The following SH3GL2 variants were observed in gnomAD, a reference collection of about 807,000 sequenced individuals.
SH3GL2 encodes SH3 domain containing GRB2 like 2, endophilin A1.
SH3GL2 carries 24 observed loss-of-function variants against 46.0 expected under a neutral mutation model. The ratio of observed to expected loss-of-function variants is 0.52; its 90% CI spans 0.38 to 0.73. SH3GL2 has a LOEUF of 0.73. Among genes scored for constraint, SH3GL2 ranks in the 30% least tolerant of loss-of-function variants. The pLI, the probability that SH3GL2 is intolerant of heterozygous loss-of-function variation, is 0.00. For synonymous variants in SH3GL2, 196 were observed against 147.1 expected, an observed-to-expected ratio of 1.33 and a Z score of -2.40; for missense variants, 413 against 424.2, an observed-to-expected ratio of 0.97 and a Z score of 0.23.
chr9:17,728,192 A>G (rs73426703), intron 1 of SH3GL2, among the ~76,000 whole-genome samples: 3,138 of 152,192 alleles, frequency 0.021, 82 homozygotes, highest in East Asian at 0.1. Context: ...TTCTTTAGGA[A>G]CCTGACTCTT....
At chr9:17,692,902 A>T (rs1340342814) in intron 1 of SH3GL2, among the ~76,000 whole-genome samples, 1 of 152,114 alleles carries the variant, frequency 6.6e-6, no homozygotes, top group Non-Finnish European at 1.5e-5. Context: ...AAGAAGCAAA[A>T]GTGGAAACCC....
chr9:17,596,859 A>G (rs1048606040), intron 1 of SH3GL2, among the ~76,000 whole-genome samples: 2 of 152,180 alleles, frequency 1.3e-5, no homozygotes, highest in African/African-American at 4.8e-5. Context: ...CAAAGAGGAC[A>G]CGTCTAGCAA....
At chr9:17,732,630 G>A (rs1044827063) in intron 1 of SH3GL2, among the ~76,000 whole-genome samples, 1 of 152,102 alleles carries the variant, frequency 6.6e-6, no homozygotes, top group Non-Finnish European at 1.5e-5. Context: ...GAGGGGTTTG[G>A]AAGTCTTCAT....
intron 3 of SH3GL2, among the ~76,000 whole-genome samples, chr9:17,766,942 TA>T (rs530861901): frequency 8.5e-4 from 130 of 152,098 alleles, no homozygotes; most frequent in Non-Finnish European, 1.5e-3. Flanking sequence ...CTGGATTTTT[TA>T]AAAAAAATTC....
chr9:17,596,051 G>T (rs16935781), intron 1 of SH3GL2, among the ~76,000 whole-genome samples: 10,269 of 152,138 alleles, frequency 0.067, 1,193 homozygotes, highest in African/African-American at 0.24. Context: ...CTCAGGATAA[G>T]TTGAAAACAA....
chr9:17,688,674 A>G (rs1820991197), intron 1 of SH3GL2, among the ~76,000 whole-genome samples: 1 of 152,056 alleles, frequency 6.6e-6, no homozygotes. Context: ...TCCAGAGAAC[A>G]TGCTGATGGG....
chr9:17,687,761 C>G (rs746570578), intron 1 of SH3GL2, among the ~76,000 whole-genome samples: 3 of 152,004 alleles, frequency 2.0e-5, no homozygotes, highest in African/African-American at 4.8e-5. Context: ...GATAATCATA[C>G]TTGTTAAACC....
intron 3 of SH3GL2, among the ~76,000 whole-genome samples, chr9:17,766,486 C>T (rs771981620): frequency 2.0e-5 from 3 of 152,214 alleles, no homozygotes; most frequent in East Asian, 3.9e-4. Context: ...TGATGCCTTA[C>T]GGGGGAGCAA....
At chr9:17,661,162 AAAAAAC>A (rs371914531) in intron 1 of SH3GL2, among the ~76,000 whole-genome samples, 305 of 152,264 alleles carry the variant, frequency 2.0e-3, no homozygotes, top group African/African-American at 6.6e-3. Flanking sequence ...ACTCCGTCTC[AAAAAAC>A]AAAAACAAAA....
intron 1 of SH3GL2, among the ~76,000 whole-genome samples, chr9:17,745,679 A>G (rs1822662416): frequency 6.6e-6 from 1 of 152,054 alleles, no homozygotes; most frequent in African/African-American, 2.4e-5. Context: ...GGTAAGCAAC[A>G]CAGCTCAGGT....
chr9:17,634,976 G>A (rs1241586072), intron 1 of SH3GL2, among the ~76,000 whole-genome samples: 1 of 152,092 alleles, frequency 6.6e-6, no homozygotes, highest in East Asian at 1.9e-4. Context: ...CATTCCTTTT[G>A]TTTGTTTTTA....
chr9:17,682,291 A>G (rs962918945), intron 1 of SH3GL2, among the ~76,000 whole-genome samples: 4 of 152,164 alleles, frequency 2.6e-5, no homozygotes, highest in African/African-American at 9.7e-5. Context: ...TTTCAATAGC[A>G]AAGTCATGGA....
At chr9:17,661,698 C>G (rs910598399) in intron 1 of SH3GL2, among the ~76,000 whole-genome samples, 2 of 151,878 alleles carry the variant, frequency 1.3e-5, no homozygotes, top group Non-Finnish European at 2.9e-5. Flanking sequence ...TTTTTTTTAA[C>G]TAATAGGAGA....
chr9:17,723,965 CTCTT>C (rs1821959164), intron 1 of SH3GL2, among the ~76,000 whole-genome samples: 1 of 151,978 alleles, frequency 6.6e-6, no homozygotes, highest in African/African-American at 2.4e-5. Context: ...TGGTGTGGTT[CTCTT>C]TGAGTTTTTT....
chr9:17,781,994 C>CTGCA (rs767255303), intron 3 of SH3GL2, among the ~76,000 whole-genome samples: 2 of 152,132 alleles, frequency 1.3e-5, no homozygotes, highest in Non-Finnish European at 2.9e-5. Context: ...AGAGCAGAGG[C>CTGCA]TGCACCTCAC....
intron 1 of SH3GL2, among the ~76,000 whole-genome samples, chr9:17,739,932 A>G (rs143624996): frequency 1.3e-5 from 2 of 152,124 alleles, no homozygotes; most frequent in African/African-American, 4.8e-5. Flanking sequence ...TGCATTTTCC[A>G]TAAAGTGTTT....
intron 1 of SH3GL2, among the ~76,000 whole-genome samples, chr9:17,601,597 T>C (rs1304104603): frequency 6.6e-6 from 1 of 152,224 alleles, no homozygotes; most frequent in Non-Finnish European, 1.5e-5. Context: ...CCATGTAAGC[T>C]TCAGAAAAGG....
At chr9:17,619,881 A>G (rs187696993) in intron 1 of SH3GL2, among the ~76,000 whole-genome samples, 4 of 152,246 alleles carry the variant, frequency 2.6e-5, no homozygotes, top group African/African-American at 9.6e-5. Context: ...ATATACTGTG[A>G]AATGTACCAG....
intron 1 of SH3GL2, among the ~76,000 whole-genome samples, chr9:17,739,764 A>G (rs1163415303): frequency 1.3e-5 from 2 of 152,268 alleles, no homozygotes; most frequent in African/African-American, 2.4e-5. Context: ...TGATCCCTCT[A>G]TTATAAATTT....
Sources: allele counts gnomAD v4.1 joint callset (sites outside exome capture counted in the v4.1 genomes callset), GRCh38; gene constraint gnomAD v4.1.1; transcripts MANE v1.5; gene names NCBI Gene and HGNC (gene_info 2026-07-23, HGNC 2026-07-21).